The following EPB41L1 variants were observed in gnomAD, a reference collection of about 807,000 sequenced individuals.
EPB41L1 encodes band 4.1-like protein 1.
A neutral mutation model predicts 97.8 loss-of-function variants in EPB41L1; 29 were observed. That is an observed-to-expected ratio of 0.30 (90% CI 0.22 to 0.40). EPB41L1 has a LOEUF of 0.40. EPB41L1 is among the 10% of genes least tolerant of loss of function. The probability of loss-of-function intolerance (pLI) is 1.00; values close to 1 mark genes in which losing one functional copy is unlikely to be tolerated. For missense variants in EPB41L1, 812 were observed against 1,162.3 expected (o/e 0.70, Z 4.38); for synonymous variants, 383 against 459.2 (o/e 0.83, Z 2.12).
At position 36,194,260 on chromosome 20, in the gene EPB41L1, C is replaced by G. The variant is rs1490936764; in HGVS notation, c.1349C>G (p.Pro450Arg). Residue 450 changes from proline to arginine, a missense_variant, in exon 12 of 22, where the codon CCT becomes CGT. Pro to Arg is a moderately radical substitution (Grantham distance 103, BLOSUM62 -2). Coordinates refer to ENST00000338074, the MANE Select transcript of EPB41L1 (RefSeq NM_012156.2). Reference protein sequence around the residue: ...ASVSENHDAGPDGDKRDEDGE... With the variant: ...ASVSENHDAGRDGDKRDEDGE... Reference sequence around the variant, plus strand: ...GTCAGCGAGAACCATGATGCAGGGCCTGACGGTGACAAGCGGGATGAGGAT... The same window carrying G: ...GTCAGCGAGAACCATGATGCAGGGCGTGACGGTGACAAGCGGGATGAGGAT... The G allele has an allele frequency of 6.2e-7, 1 of 1,614,084 alleles. No individual in the cohort carries two copies. The highest frequency in any genetic ancestry group is 1.3e-5 in the African/African-American group (1 of 74,936).
chr20:36,198,187 A>G (rs2062309536), intron 14 of EPB41L1, 146 bp downstream of exon 14: 1 of 748,364 alleles, frequency 1.3e-6, no homozygotes. Context: ...GTGGTAGATT[A>G]GGCTGAGGGA....
chr20:36,159,737 C>T (rs1198551707), intron 1 of EPB41L1, among the ~76,000 whole-genome samples: 1 of 152,252 alleles, frequency 6.6e-6, no homozygotes, highest in Non-Finnish European at 1.5e-5. Context: ...CCACATTCTT[C>T]TCACTAACCA....
rs533159149 is a variant in EPB41L1, at chr20:36,095,781, C to T, written c.-65+4169C>T. On this transcript the variant is annotated intron_variant, in intron 1 of 19. Coordinates refer to the EPB41L1 transcript ENST00000202028. ...TTTATTGGCAGGGCGTGGTGGCTCA[C>T]GCCTGTAATCCCAGCACTTTGGGAG... Among the ~76,000 whole-genome samples the T allele has an allele frequency of 8.5e-5, 13 of 152,312 alleles. No individual in the cohort carries two copies. The East Asian group carries it at 2.1e-3, about 25-fold the overall frequency.
intron 2 of EPB41L1, among the ~76,000 whole-genome samples, chr20:36,116,495 G>A (rs2058588473): frequency 1.3e-5 from 2 of 152,186 alleles, no homozygotes. Flanking sequence ...AGGTGGGCAG[G>A]CCCTATCTGG....
At chr20:36,112,419 C>T (rs2058435294) in intron 1 of EPB41L1, 1 of 152,324 alleles carries the variant, frequency 6.6e-6, no homozygotes, top group Non-Finnish European at 1.5e-5. Flanking sequence ...CTGTTTCCTC[C>T]CTCTAGGTGC....
chr20:36,106,953 C>A (rs2058211128), intron 1 of EPB41L1, among the ~76,000 whole-genome samples: 1 of 152,110 alleles, frequency 6.6e-6, no homozygotes, highest in South Asian at 2.1e-4. Context: ...CAGGCATGCC[C>A]CACCATGCTT....
At chr20:36,162,059 C>G (rs2060552144) in intron 1 of EPB41L1, among the ~76,000 whole-genome samples, 2 of 152,232 alleles carry the variant, frequency 1.3e-5, no homozygotes, top group South Asian at 4.1e-4. Context: ...CCACCACACC[C>G]TGCCTATCTC....
At chr20:36,137,843 A>T (rs1246287425) in intron 2 of EPB41L1, among the ~76,000 whole-genome samples, 1 of 152,144 alleles carries the variant, frequency 6.6e-6, no homozygotes, top group African/African-American at 2.4e-5. Flanking sequence ...AATATGAAAA[A>T]AGTGAAACTA....
chr20:36,171,536 T>C (rs2060988272), intron 1 of EPB41L1, among the ~76,000 whole-genome samples: 1 of 152,178 alleles, frequency 6.6e-6, no homozygotes, highest in Non-Finnish European at 1.5e-5. Context: ...CTCTCATTTG[T>C]ACTCCAAGCC....
intron 1 of EPB41L1, 113 bp from the exon 2 acceptor site, chr20:36,173,651 A>G: frequency 1.1e-6 from 1 of 939,314 alleles, no homozygotes; most frequent in Non-Finnish European, 1.7e-6. Flanking sequence ...TTGCCCTGTG[A>G]CTCTTTGTCC....
At chr20:36,138,961 G>A (rs1488601821) in intron 2 of EPB41L1, among the ~76,000 whole-genome samples, 2 of 152,232 alleles carry the variant, frequency 1.3e-5, no homozygotes, top group Middle Eastern at 6.8e-3. Flanking sequence ...CCCTTTGACT[G>A]CCAAGAAGTT....
chr20:36,147,648 A>T (rs1346966098), intron 2 of EPB41L1, among the ~76,000 whole-genome samples: 1 of 152,360 alleles, frequency 6.6e-6, no homozygotes, highest in South Asian at 2.1e-4. Context: ...GTGCCAGCAC[A>T]TAAGTGGGGA....
rs187339175 is a variant in EPB41L1 at position 36,177,285 on chromosome 20, G to A, written c.343-667G>A. 2.0e-3 allele frequency among the ~76,000 whole-genome samples: 300 copies of A among 152,298 alleles called. 1 individual carries two copies. Among genetic ancestry groups the A allele is most frequent in the East Asian group, 4.4e-3 (23 of 5,180 alleles). On this transcript the variant is annotated intron_variant, in intron 3 of 21. Transcript: ENST00000338074. ...CTGTGGGTTTGGAGTGCCCAGTCGG[G>A]TTCTCGGCTTCGTCATTCTGAATGG...
chr20:36,206,694 T>G lies in EPB41L1; in HGVS notation c.1669-2794T>G. Reference sequence around the variant, plus strand: ...GGACCCCCAAGAACCATGGAGGACCTGGTGACCTGAAGGGATCTCCCGCAG... The same window carrying G: ...GGACCCCCAAGAACCATGGAGGACCGGGTGACCTGAAGGGATCTCCCGCAG... On this transcript the variant is annotated intron_variant, in intron 14 of 21. Coordinates refer to ENST00000338074, the MANE Select transcript of EPB41L1 (RefSeq NM_012156.2). The surrounding 1 kb of genome is among the most constrained non-coding windows in gnomAD (Gnocchi z 5.5). 5 of 1,289,646 alleles carry G rather than the reference T, an allele frequency of 3.9e-6. No homozygotes were observed. The South Asian group carries it at 6.2e-5, about 16-fold the overall frequency. The allele number at this position is 1,289,646 out of a possible 1,614,324, so 79.9% of individuals were successfully genotyped here.
chr20:36,154,643 G>GGGGGC, upstream of EPB41L1: 1 of 963,174 alleles, frequency 1.0e-6, no homozygotes, highest in African/African-American at 1.8e-5. This position sits in a 1 kb window ranked among gnomAD's most constrained non-coding sequence, Gnocchi z 5.5. Context: ...GGGCGGGGGC[G>GGGGGC]GGGGCTGGCC....
chr20:36,141,820 A>T (rs1282463789), intron 2 of EPB41L1, among the ~76,000 whole-genome samples: 1 of 152,112 alleles, frequency 6.6e-6, no homozygotes, highest in Non-Finnish European at 1.5e-5. Context: ...ATTTTATAGA[A>T]ATTGGGGCCA....
In EPB41L1 at chr20:36,229,519, T is replaced by G; in HGVS notation, c.*179T>G. 1 of 575,030 alleles carries G rather than the reference T, an allele frequency of 1.7e-6. No individual in the cohort carries two copies. The highest frequency in any genetic ancestry group is 3.1e-6 in the Non-Finnish European group (1 of 317,996). 35.6% of individuals were successfully genotyped at this position (575,030 alleles called of 1,614,324 possible). A position where few individuals can be genotyped will look rare whatever the true frequency, so the allele number is the denominator to read the frequency against. ...ATAGATATATAGAGATATAGATATA[T>G]ATACAGGAAACACCGCATCCTTGCA... On this transcript the variant is annotated 3_prime_UTR_variant, in exon 22 of 22. Coordinates refer to ENST00000338074, the MANE Select transcript of EPB41L1 (RefSeq NM_012156.2).
chr20:36,224,578 G>A (rs1020949680), intron 21 of EPB41L1, among the ~76,000 whole-genome samples: 3 of 152,160 alleles, frequency 2.0e-5, no homozygotes, highest in Non-Finnish European at 2.9e-5. Context: ...CCTAGGAGGC[G>A]GAGGTTGCAG....
rs1028080692 is a variant in EPB41L1, at chr20:36,188,228, A to G, written c.874-119A>G. The G allele has an allele frequency of 5.2e-5, 71 of 1,373,664 alleles. 1 individual carries two copies. In the South Asian group the frequency reaches 8.0e-4, roughly 15 times the overall value. 85.1% of individuals were successfully genotyped at this position (1,373,664 alleles called of 1,614,324 possible). ...AGTGGGACTCCAGCATGGAGGCTCT[A>G]ACCCTGTTCCTGAGAGCTCGTTACA... On this transcript the variant is annotated intron_variant, in intron 8 of 21. Transcript: ENST00000338074.
Sources: gnomAD v4.1 joint callset for allele counts (sites outside exome capture counted in the v4.1 genomes callset) on GRCh38, gnomAD v4.1.1 for gene constraint, Gnocchi (gnomAD v3.1) non-coding constraint, MANE v1.5 for transcripts, NCBI Gene and HGNC (gene_info 2026-07-23, HGNC 2026-07-21) for gene names.